SLC7A5: variants seen among roughly 807,000 people sequenced by gnomAD.
SLC7A5 encodes the protein solute carrier family 7 member 5.
Under a neutral mutation model 50.2 loss-of-function variants are expected in SLC7A5, and 23 were observed. The observed-to-expected ratio is 0.46, with a 90% CI of 0.33 to 0.65. The LOEUF is 0.65. SLC7A5 is among the 30% of genes least tolerant of loss of function. The probability of loss-of-function intolerance (pLI) is 0.02; values close to 1 mark genes in which losing one functional copy is unlikely to be tolerated. For synonymous variants in SLC7A5, 393 were observed against 330.6 expected, an observed-to-expected ratio of 1.19 and a Z score of -2.05; for missense variants, 578 against 684.4, an observed-to-expected ratio of 0.84 and a Z score of 1.73.
intron 1 of SLC7A5, among the ~76,000 whole-genome samples, chr16:87,857,640 C>T (rs1332316394): frequency 6.6e-6 from 1 of 152,198 alleles, no homozygotes; most frequent in African/African-American, 2.4e-5. Flanking sequence ...GAGCACAAGG[C>T]CCCACCTTTG....
At chr16:87,846,660 C>G (rs564177853) in intron 2 of SLC7A5, among the ~76,000 whole-genome samples, 5 of 152,312 alleles carry the variant, frequency 3.3e-5, no homozygotes, top group African/African-American at 1.2e-4. Flanking sequence ...GCACCCCGCC[C>G]AGGGCATCAG....
chr16:87,839,688 G>A lies in SLC7A5; in HGVS notation c.939+14C>T, dbSNP rs750664812. On this transcript the variant is annotated intron_variant, in intron 5 of 9. Coordinates refer to ENST00000261622, the MANE Select transcript of SLC7A5 (RefSeq NM_003486.7). ...TCTCAGGCCCCTGGTGGAAGCTGGC[G>A]GGTAGCGGCTCACCACGGCCACGGC... is the stretch of plus-strand genomic sequence containing the variant. The A allele has an allele frequency of 3.5e-5, 56 of 1,612,756 alleles. No individual in the cohort carries two copies. Among genetic ancestry groups the A allele is most frequent in the East Asian group, 6.7e-5 (3 of 44,866 alleles).
chr16:87,860,438 T>G lies in SLC7A5; in HGVS notation c.538+8447A>C, dbSNP rs1364002790. ...GAAAAAGGAAATCTTCGAACCCACC[T>G]GTGACCAGGAAGCCCATCCCCGCCT... On this transcript the variant is annotated intron_variant, in intron 1 of 9. Coordinates refer to ENST00000261622, the MANE Select transcript of SLC7A5 (RefSeq NM_003486.7). The surrounding 1 kb of genome is among the most constrained non-coding windows in gnomAD (Gnocchi z 4.8). Among the ~76,000 whole-genome samples, 1 of 148,230 alleles carries G rather than the reference T, an allele frequency of 6.7e-6. No individual in the cohort carries two copies. The highest frequency in any genetic ancestry group is 1.5e-5 in the Non-Finnish European group (1 of 67,508).
chr16:87,849,623 T>C (rs1479513622), intron 2 of SLC7A5, among the ~76,000 whole-genome samples: 1 of 152,136 alleles, frequency 6.6e-6, no homozygotes, highest in Non-Finnish European at 1.5e-5. Context: ...CAGGATGGAT[T>C]TGTCTCCTGC....
At chr16:87,843,641 A>C (rs2055110987) in intron 2 of SLC7A5, among the ~76,000 whole-genome samples, 1 of 151,980 alleles carries the variant, frequency 6.6e-6, no homozygotes, top group Non-Finnish European at 1.5e-5. Flanking sequence ...GCACCCCTGT[A>C]CCTCTCAGCA....
intron 8 of SLC7A5, among the ~76,000 whole-genome samples, chr16:87,835,614 T>C (rs12711480): frequency 0.69 from 105,417 of 152,148 alleles, 37,469 homozygotes; most frequent in East Asian, 0.85. Flanking sequence ...GCTGCAACTA[T>C]AGGCGCCCGC....
Position 87,852,011 on chromosome 16 carries a change from T to G in SLC7A5, c.539-162A>C, listed in dbSNP as rs1489994358. ...CCCTGCCAGCCCTTAGGGCACGTTC[T>G]GACTTTCTGAGACCTGTTTTGATAA... On this transcript the variant is annotated intron_variant, in intron 1 of 9. Transcript: ENST00000261622. The surrounding 1 kb of genome is among the most constrained non-coding windows in gnomAD (Gnocchi z 4.5). Among the ~76,000 whole-genome samples, 1 of 152,096 alleles carries G rather than the reference T, an allele frequency of 6.6e-6. No individual in the cohort carries two copies. Among genetic ancestry groups the G allele is most frequent in the Non-Finnish European group, 1.5e-5 (1 of 67,998 alleles).
At chr16:87,835,276 G>A (rs143261784) in intron 8 of SLC7A5, among the ~76,000 whole-genome samples, 15 of 152,214 alleles carry the variant, frequency 9.9e-5, no homozygotes, top group Non-Finnish European at 1.9e-4. Context: ...CCGTGCCCAG[G>A]CTCACAACAG....
chr16:87,848,903 C>T (rs28483765), intron 2 of SLC7A5, among the ~76,000 whole-genome samples: 66,715 of 152,062 alleles, frequency 0.44, 16,800 homozygotes, highest in African/African-American at 0.68. Context: ...ACTTCCCTGA[C>T]GAGGAGGAAA....
In SLC7A5 at chr16:87,833,715, T is replaced by C. The variant is rs538448824; in HGVS notation, c.1469-690A>G. ...CCACCCAGTGACATGGGGATCAGCA[T>C]GTAGGCCCGCAAGCACCCCGGCCTT... On this transcript the variant is annotated intron_variant, in intron 9 of 9. Transcript: ENST00000261622. This position sits in a 1 kb window ranked among gnomAD's most constrained non-coding sequence, Gnocchi z 6.0. Among the ~76,000 whole-genome samples, 39 of 152,224 alleles carry C rather than the reference T, an allele frequency of 2.6e-4. No homozygotes were observed. The South Asian group carries it at 4.1e-3, about 16-fold the overall frequency.
At position 87,833,939 on chromosome 16, in the gene SLC7A5, C is replaced by A. The variant is rs895913266; in HGVS notation, c.1468+475G>T. ...TGCGATCTCGGCTCACTGCAACCTCCGTCTCCCGGGTTCAAGTGATTCTCC... is the reference window on the plus strand; with the variant it reads ...TGCGATCTCGGCTCACTGCAACCTCAGTCTCCCGGGTTCAAGTGATTCTCC... On this transcript the variant is annotated intron_variant, in intron 9 of 9. Coordinates refer to ENST00000261622, the MANE Select transcript of SLC7A5 (RefSeq NM_003486.7). This position sits in a 1 kb window ranked among gnomAD's most constrained non-coding sequence, Gnocchi z 6.0. 1.3e-5 allele frequency among the ~76,000 whole-genome samples: 2 copies of A among 151,734 alleles called. No homozygotes were observed. Among genetic ancestry groups the A allele is most frequent in the Non-Finnish European group, 2.9e-5 (2 of 67,902 alleles).
Position 87,860,830 on chromosome 16 carries a change from G to C in SLC7A5, c.538+8055C>G, listed in dbSNP as rs1268402412. ...TTCCTCACGTAGTGGGCAAATCCTA[G>C]GGCAGGGGAGGGGCGGGCAATGCCA... On this transcript the variant is annotated intron_variant, in intron 1 of 9. Transcript: ENST00000261622. The surrounding 1 kb of genome is among the most constrained non-coding windows in gnomAD (Gnocchi z 4.8). 6.6e-6 allele frequency among the ~76,000 whole-genome samples: 1 copy of C among 152,200 alleles called. No homozygotes were observed. The highest frequency in any genetic ancestry group is 1.5e-5 in the Non-Finnish European group (1 of 68,036).
At position 87,837,872 on chromosome 16, in the gene SLC7A5, G is replaced by A; in HGVS notation, c.1113C>T (p.Leu371=). The A allele has an allele frequency of 1.2e-6, 2 of 1,607,794 alleles. No individual in the cohort carries two copies. The highest frequency in any genetic ancestry group is 1.7e-6 in the Non-Finnish European group (2 of 1,178,232). Residue 371 remains leucine (L), a synonymous_variant, in exon 7 of 10, where the codon CTC becomes CTT. Transcript: ENST00000261622. ...SILSMIHPQL[L]TPVPSLVFTC... is the part of the protein sequence containing the mutation. The stretch of plus-strand genomic sequence containing the variant: ...TGAACACGAGGGACGGCACGGGGGT[G>A]AGGAGCTGTGGGTGGATCATGGAGA...
chr16:87,837,498 C>T (rs891984332), intron 7 of SLC7A5: 12 of 308,408 alleles, frequency 3.9e-5, no homozygotes, highest in African/African-American at 2.1e-4. Flanking sequence ...GCAGGAGAAG[C>T]GGAAGGAAAC....
rs2055388402 is a variant in SLC7A5, at chr16:87,860,803, C to G, written c.538+8082G>C. ...AGGCCCAGAATAGGAGGTCGGTGCT[C>G]ATTCCTCACGTAGTGGGCAAATCCT... On this transcript the variant is annotated intron_variant, in intron 1 of 9. Transcript: ENST00000261622. The surrounding 1 kb of genome is among the most constrained non-coding windows in gnomAD (Gnocchi z 4.8). 6.6e-6 allele frequency among the ~76,000 whole-genome samples: 1 copy of G among 152,220 alleles called. No homozygotes were observed. The highest frequency in any genetic ancestry group is 6.5e-5 in the Admixed American group (1 of 15,284).
In SLC7A5 at chr16:87,853,534, G is replaced by C. The variant is rs955719821; in HGVS notation, c.539-1685C>G. 1.3e-5 allele frequency among the ~76,000 whole-genome samples: 2 copies of C among 152,198 alleles called. No homozygotes were observed. Among genetic ancestry groups the C allele is most frequent in the Non-Finnish European group, 2.9e-5 (2 of 68,042 alleles). On this transcript the variant is annotated intron_variant, in intron 1 of 9. Transcript: ENST00000261622. This position sits in a 1 kb window ranked among gnomAD's most constrained non-coding sequence, Gnocchi z 4.4. ...GGGACATGGAGATGTTACCAGTCCA[G>C]AGCTCTCCAGTCCAACCCTCAGGGC...
chr16:87,838,500 T>C (rs1230927506), intron 6 of SLC7A5, among the ~76,000 whole-genome samples: 1 of 152,148 alleles, frequency 6.6e-6, no homozygotes, highest in East Asian at 1.9e-4. Flanking sequence ...GCCATATTGC[T>C]CAGGCTGGTC....
Position 87,836,484 on chromosome 16 carries a change from G to C in SLC7A5, c.1290+14C>G, listed in dbSNP as rs2055004960. 1 of 1,607,790 alleles carries C rather than the reference G, an allele frequency of 6.2e-7. No homozygotes were observed. The highest frequency in any genetic ancestry group is 1.3e-5 in the African/African-American group (1 of 74,946). ...GTGAAGGGTGCCTGGGTGAGCGGGA[G>C]GCCCCGGGCTCACCTTGATGGGCCG... On this transcript the variant is annotated intron_variant, in intron 8 of 9. Transcript: ENST00000261622.
At position 87,832,109 on chromosome 16, in the gene SLC7A5, G is replaced by A. The variant is rs1176127220; in HGVS notation, c.*861C>T. 1 of 152,336 alleles carries A rather than the reference G, an allele frequency of 6.6e-6. No individual in the cohort carries two copies. The highest frequency in any genetic ancestry group is 6.5e-5 in the Admixed American group (1 of 15,284). The allele number at this position is 152,336 out of a possible 1,614,324, so 9.4% of individuals were successfully genotyped here. ...GGGTGGGCGCCCACATGGGTGCCTG[G>A]CCGCGGTGTGTCTGCCTTTCTTGTC... is the stretch of plus-strand genomic sequence containing the variant. On this transcript the variant is annotated 3_prime_UTR_variant, in exon 10 of 10. Coordinates refer to ENST00000261622, the MANE Select transcript of SLC7A5 (RefSeq NM_003486.7). The surrounding 1 kb of genome is among the most constrained non-coding windows in gnomAD (Gnocchi z 4.6).
Sources: allele counts gnomAD v4.1 joint callset (sites outside exome capture counted in the v4.1 genomes callset), GRCh38; gene constraint gnomAD v4.1.1; non-coding constraint Gnocchi (gnomAD v3.1); transcripts MANE v1.5; gene names NCBI Gene and HGNC (gene_info 2026-07-23, HGNC 2026-07-21).